FHIT: variants seen among roughly 807,000 people sequenced by gnomAD.
FHIT encodes fragile histidine triad diadenosine triphosphatase, also known as bis(5'-adenosyl)-triphosphatase.
FHIT carries 19 observed loss-of-function variants against 17.9 expected under a neutral mutation model. The observed-to-expected ratio is 1.06, with a 90% confidence interval of 0.74 to 1.56. FHIT has a LOEUF of 1.56. Among genes scored for constraint, FHIT ranks in the 40% most tolerant of loss-of-function variants. The probability of loss-of-function intolerance (pLI) is 0.00; values close to 1 mark genes in which losing one functional copy is unlikely to be tolerated. For synonymous variants in FHIT, 81 were observed against 69.7 expected (o/e 1.16, Z -0.81); for missense variants, 248 against 189.2 (o/e 1.31, Z -1.82).
At chr3:61,050,571 T>C (rs11130809) in intron 2 of FHIT, among the ~76,000 whole-genome samples, 110,550 of 152,084 alleles carry the variant, frequency 0.73, 41,994 homozygotes, top group East Asian at 0.99. Context: ...GTTAGAGATA[T>C]CTACTGAAGA....
chr3:60,589,048 G>GCAGGTGACTCACCCGTTGGAGTCA (rs1370951550), intron 4 of FHIT, among the ~76,000 whole-genome samples: 2 of 151,996 alleles, frequency 1.3e-5, no homozygotes, highest in African/African-American at 4.8e-5. Context: ...GTTCTACCGG[G>GCAGGTGACTCACCCGTTGGAGTCA]CAGGTGACTC....
At chr3:60,973,593 T>G (rs2107534553) in intron 3 of FHIT, among the ~76,000 whole-genome samples, 1 of 152,286 alleles carries the variant, frequency 6.6e-6, no homozygotes, top group South Asian at 2.1e-4. Flanking sequence ...CTTTAGAAAC[T>G]AAAATCTTAA....
At chr3:60,106,376 G>C (rs1336582336) in intron 5 of FHIT, among the ~76,000 whole-genome samples, 1 of 152,084 alleles carries the variant, frequency 6.6e-6, no homozygotes, top group East Asian at 1.9e-4. Context: ...CCATGAAACT[G>C]GGAAAAAAAG....
chr3:61,214,163 G>C (rs1199088719), intron 1 of FHIT, among the ~76,000 whole-genome samples: 4 of 152,068 alleles, frequency 2.6e-5, no homozygotes, highest in Non-Finnish European at 5.9e-5. Flanking sequence ...AATCAGAGCA[G>C]AACTGAAGGA....
intron 5 of FHIT, among the ~76,000 whole-genome samples, chr3:60,500,845 AACTAACACAGT>A (rs978053776): frequency 6.6e-6 from 1 of 151,556 alleles, no homozygotes; most frequent in African/African-American, 2.4e-5. Flanking sequence ...AATCATAAAG[AACTAACACAGT>A]GCCTGGCCCC....
At chr3:60,879,712 G>A (rs1485789562) in intron 3 of FHIT, among the ~76,000 whole-genome samples, 1 of 151,372 alleles carries the variant, frequency 6.6e-6, no homozygotes, top group Non-Finnish European at 1.5e-5. Context: ...ATTCAACAGA[G>A]ATAGATATTA....
chr3:59,884,064 T>C lies in FHIT; in HGVS notation c.348+38282A>G, dbSNP rs115421427. Among the ~76,000 whole-genome samples, 1,097 of 152,344 alleles carry C rather than the reference T, an allele frequency of 7.2e-3. 12 individuals are homozygous for C. Among genetic ancestry groups the C allele is most frequent in the Admixed American group, 0.028 (425 of 15,286 alleles). ...ATTCATGTCTGAAGCACACCTGTTT[T>C]GTCAGTGACATGAGCAACTTTGCTT... On this transcript the variant is annotated intron_variant, in intron 8 of 9. Transcript: ENST00000492590.
At chr3:61,192,322 G>A (rs1428935335) in intron 2 of FHIT, among the ~76,000 whole-genome samples, 1 of 152,168 alleles carries the variant, frequency 6.6e-6, no homozygotes, top group African/African-American at 2.4e-5. Flanking sequence ...ACTTGGTAGA[G>A]CAATTCACAA....
At chr3:61,199,821 T>C (rs2038961570) in intron 2 of FHIT, among the ~76,000 whole-genome samples, 1 of 152,122 alleles carries the variant, frequency 6.6e-6, no homozygotes, top group Admixed American at 6.5e-5. Flanking sequence ...TTATAGCATA[T>C]TTCACCCTGG....
intron 4 of FHIT, among the ~76,000 whole-genome samples, chr3:60,649,978 G>C (rs925267707): frequency 1.3e-5 from 2 of 152,116 alleles, no homozygotes; most frequent in Non-Finnish European, 2.9e-5. Flanking sequence ...TCCGCCAACT[G>C]GGTACATCTT....
intron 5 of FHIT, among the ~76,000 whole-genome samples, chr3:60,479,072 G>T (rs1207112732): frequency 6.6e-6 from 1 of 152,148 alleles, no homozygotes; most frequent in Non-Finnish European, 1.5e-5. Context: ...AGACTTGAGG[G>T]GCCTTAGGGA....
intron 8 of FHIT, among the ~76,000 whole-genome samples, chr3:59,762,353 T>C (rs1701565334): frequency 6.6e-6 from 1 of 152,166 alleles, no homozygotes; most frequent in Non-Finnish European, 1.5e-5. Flanking sequence ...CAATAAGCAT[T>C]GGTCAAATAC....
At chr3:60,148,801 C>A (rs184488840) in intron 5 of FHIT, among the ~76,000 whole-genome samples, 1 of 152,190 alleles carries the variant, frequency 6.6e-6, no homozygotes, top group Non-Finnish European at 1.5e-5. Context: ...AATATATTTT[C>A]ATTCATTCTT....
At chr3:60,127,582 T>A (rs1016681929) in intron 5 of FHIT, among the ~76,000 whole-genome samples, 5 of 152,152 alleles carry the variant, frequency 3.3e-5, no homozygotes, top group Non-Finnish European at 7.4e-5. Context: ...TATGCTTAAA[T>A]AAGAACATTT....
intron 2 of FHIT, among the ~76,000 whole-genome samples, chr3:61,074,649 G>A (rs2034915746): frequency 6.6e-6 from 1 of 152,064 alleles, no homozygotes; most frequent in African/African-American, 2.4e-5. Context: ...CAGTCTCCTT[G>A]TCTCTGAGGC....
Position 60,842,646 on chromosome 3 carries a change from T to A in FHIT, c.-110-20635A>T, listed in dbSNP as rs1553745441. Among the ~76,000 whole-genome samples the A allele has an allele frequency of 2.6e-4, 21 of 80,290 alleles. 1 individual carries two copies. Among genetic ancestry groups the A allele is most frequent in the Non-Finnish European group, 7.2e-5 (3 of 41,458 alleles). The allele number at this position is 80,290 out of a possible 152,430, so 52.7% of individuals were successfully genotyped here. On this transcript the variant is annotated intron_variant, in intron 3 of 9. Coordinates refer to ENST00000492590, the MANE Select transcript of FHIT (RefSeq NM_002012.4). The stretch of plus-strand genomic sequence containing the variant: ...ATATGAGTGTATATATATATATATA[T>A]TTTTTTTTTTTTTTTTTTCCCTTGC...
At chr3:60,466,107 C>A (rs1161723981) in intron 5 of FHIT, among the ~76,000 whole-genome samples, 1 of 151,884 alleles carries the variant, frequency 6.6e-6, no homozygotes, top group Non-Finnish European at 1.5e-5. Context: ...TTTCACTTCT[C>A]TGGTTAAGTT....
At chr3:61,028,875 G>A (rs2107662548) in intron 3 of FHIT, among the ~76,000 whole-genome samples, 2 of 145,762 alleles carry the variant, frequency 1.4e-5, no homozygotes, top group East Asian at 4.0e-4. Flanking sequence ...AAGAAAATAA[G>A]CACCCCCCAC....
chr3:60,289,921 C>T (rs560831389), intron 5 of FHIT, among the ~76,000 whole-genome samples: 1 of 152,316 alleles, frequency 6.6e-6, no homozygotes, highest in South Asian at 2.1e-4. Context: ...TTCTAAATGA[C>T]TGTTCATATT....
Sources: allele counts gnomAD v4.1 joint callset (sites outside exome capture counted in the v4.1 genomes callset), GRCh38; gene constraint gnomAD v4.1.1; transcripts MANE v1.5; gene names NCBI Gene and HGNC (gene_info 2026-07-23, HGNC 2026-07-21).